IPO5: variants seen among roughly 807,000 people sequenced by gnomAD.
IPO5 encodes importin-5.
In IPO5, 18 loss-of-function variants were observed where a neutral mutation model predicts 143.3. The ratio of observed to expected loss-of-function variants is 0.13; its 90% CI spans 0.09 to 0.19. The LOEUF (loss-of-function observed/expected upper bound fraction) is 0.19, where lower values mean the gene tolerates loss of function less well. Among genes scored for constraint, IPO5 ranks in the 10% least tolerant of loss-of-function variants. IPO5 has a pLI of 1.00. For synonymous variants in IPO5, 477 were observed against 465.7 expected (o/e 1.02, Z -0.31); for missense variants, 1,013 against 1,336.9 (o/e 0.76, Z 3.78).
At chr13:98,007,279 AT>A (rs1318408073) in intron 17 of IPO5, 2 of 152,170 alleles carry the variant, frequency 1.3e-5, no homozygotes, top group African/African-American at 4.8e-5. Flanking sequence ...TTCCCTTTAA[AT>A]ATGTGCTTGG....
intron 7 of IPO5, among the ~76,000 whole-genome samples, 162 bp downstream of exon 7, chr13:97,989,326 A>G (rs1336409543): frequency 1.3e-5 from 2 of 152,076 alleles, no homozygotes; most frequent in African/African-American, 4.8e-5. Context: ...TTTTTTTAAA[A>G]GGGCCTTTTA....
intron 20 of IPO5, among the ~76,000 whole-genome samples, chr13:98,011,866 T>G (rs1889748108): frequency 6.6e-6 from 1 of 152,200 alleles, no homozygotes; most frequent in Non-Finnish European, 1.5e-5. Flanking sequence ...AGTAAATGCT[T>G]CAATTAACTG....
At chr13:97,971,099 GC>G (rs780607968) in intron 3 of IPO5, among the ~76,000 whole-genome samples, 1 of 152,232 alleles carries the variant, frequency 6.6e-6, no homozygotes, top group Non-Finnish European at 1.5e-5. Flanking sequence ...ATTTGAACTT[GC>G]ACATTGGCCG....
chr13:97,976,088 T>G, intron 3 of IPO5: 1 of 442,562 alleles, frequency 2.3e-6, no homozygotes, highest in Non-Finnish European at 3.0e-6. Context: ...GGGTGGGGCC[T>G]GCTCCAGCGG....
intron 5 of IPO5, among the ~76,000 whole-genome samples, chr13:97,984,713 A>C (rs1283593936): frequency 6.6e-6 from 1 of 152,202 alleles, no homozygotes; most frequent in African/African-American, 2.4e-5. Context: ...AGTGATAATG[A>C]GTAACATCAG....
intron 5 of IPO5, among the ~76,000 whole-genome samples, chr13:97,985,022 G>T (rs1285783018): frequency 6.6e-6 from 1 of 152,186 alleles, no homozygotes; most frequent in East Asian, 1.9e-4. Context: ...GTTAGGTCAG[G>T]CTGGGAGCCT....
rs755152473 is a variant in IPO5 at position 97,990,745 on chromosome 13, T to C, written c.669+208T>C. ...TAGTCTCTTACAATATTTATAGTTA[T>C]AAAATTTTTCTGTAATGTAAATGTT... On this transcript the variant is annotated intron_variant, in intron 9 of 28. Coordinates refer to ENST00000651721, the MANE Select transcript of IPO5 (RefSeq NM_002271.6). Among the ~76,000 whole-genome samples, 5 of 152,220 alleles carry C rather than the reference T, an allele frequency of 3.3e-5. No individual in the cohort carries two copies. In the East Asian group the frequency reaches 5.8e-4, roughly 18 times the overall value.
chr13:98,000,499 T>G, intron 12 of IPO5, 40 bp from the exon 13 acceptor site: 1 of 1,262,190 alleles, frequency 7.9e-7, no homozygotes, highest in Non-Finnish European at 1.2e-6. Flanking sequence ...TCTTTTGTGT[T>G]TCAGATATAT....
intron 11 of IPO5, among the ~76,000 whole-genome samples, chr13:97,996,038 C>G (rs980191859): frequency 6.6e-6 from 1 of 152,114 alleles, no homozygotes; most frequent in Admixed American, 6.5e-5. Context: ...TGCACACAAT[C>G]AACAGTTTTG....
At chr13:97,986,193 A>G (rs1887327073) in intron 6 of IPO5, among the ~76,000 whole-genome samples, 2 of 152,172 alleles carry the variant, frequency 1.3e-5, no homozygotes, top group African/African-American at 4.8e-5. Context: ...TTTTCTCCTA[A>G]ATCTATAATG....
At chr13:97,968,843 T>C (rs1011357490) in intron 2 of IPO5, among the ~76,000 whole-genome samples, 2 of 151,808 alleles carry the variant, frequency 1.3e-5, no homozygotes, top group Admixed American at 6.6e-5. Flanking sequence ...CGCCTGCCAC[T>C]ACACCCAGCT....
At position 98,018,983 on chromosome 13, in the gene IPO5, T is replaced by C. The variant is rs921260002; in HGVS notation, c.2836+279T>C. ...CCTTAGAATAGGACTTTTTTTTTTT[T>C]CTTTAATTGAGGCCCAGGCTGGAGT... On this transcript the variant is annotated intron_variant, in intron 26 of 28. Transcript: ENST00000651721. Among the ~76,000 whole-genome samples the C allele has an allele frequency of 1.8e-4, 26 of 148,172 alleles. 1 individual carries two copies. The highest frequency in any genetic ancestry group is 5.1e-4 in the African/African-American group (21 of 40,826).
chr13:97,982,598 T>C lies in IPO5; in HGVS notation c.171+15T>C, dbSNP rs762909701. On this transcript the variant is annotated intron_variant, in intron 5 of 28. Coordinates refer to ENST00000651721, the MANE Select transcript of IPO5 (RefSeq NM_002271.6). ...CTGCTGAAGAGGTACTACCTTAATA[T>C]TTGTGACTATTACATTCTTAGAAAA... The C allele has an allele frequency of 7.0e-7, 1 of 1,429,924 alleles. No homozygotes were observed. The highest frequency in any genetic ancestry group is 1.2e-5 in the South Asian group (1 of 85,804). The allele number at this position is 1,429,924 out of a possible 1,614,324, so 88.6% of individuals were successfully genotyped here.
chr13:98,006,523 C>T (rs1889268306), intron 17 of IPO5, among the ~76,000 whole-genome samples, 175 bp downstream of exon 17: 2 of 150,778 alleles, frequency 1.3e-5, no homozygotes, highest in African/African-American at 2.4e-5. Flanking sequence ...TACAGACGCC[C>T]GCCACCACGC....
intron 18 of IPO5, among the ~76,000 whole-genome samples, chr13:98,008,980 C>T (rs1008905661): frequency 5.9e-5 from 9 of 152,094 alleles, no homozygotes; most frequent in Non-Finnish European, 1.3e-4. Context: ...TGCAAATATA[C>T]ATGTATGTTT....
intron 2 of IPO5, among the ~76,000 whole-genome samples, chr13:97,957,987 T>C (rs1884576808): frequency 6.6e-6 from 1 of 151,890 alleles, no homozygotes; most frequent in African/African-American, 2.4e-5. Flanking sequence ...AGAATGAGAC[T>C]CTGTCTCAGA....
chr13:97,977,833 G>C (rs958101561), intron 4 of IPO5, among the ~76,000 whole-genome samples: 2 of 152,162 alleles, frequency 1.3e-5, no homozygotes, highest in African/African-American at 4.8e-5. Context: ...CCATGCGATT[G>C]TAGAGTTTCA....
chr13:98,003,084 G>A (rs775769166), intron 16 of IPO5, 47 bp downstream of exon 16: 15 of 1,458,892 alleles, frequency 1.0e-5, no homozygotes, highest in Non-Finnish European at 1.4e-5. Context: ...AGATTAATTT[G>A]GGTTGATTTG....
chr13:97,985,640 C>A, intron 6 of IPO5, 27 bp downstream of exon 6: 2 of 1,494,806 alleles, frequency 1.3e-6, no homozygotes, highest in Non-Finnish European at 1.9e-6. Flanking sequence ...ACTCATGTTA[C>A]CAAGAACATG....
Sources: gnomAD v4.1 joint callset for allele counts (sites outside exome capture counted in the v4.1 genomes callset) on GRCh38, gnomAD v4.1.1 for gene constraint, MANE v1.5 for transcripts, NCBI Gene and HGNC (gene_info 2026-07-23, HGNC 2026-07-21) for gene names.